Variants in FRAS1 observed in about 807,000 individuals in gnomAD.
FRAS1 encodes the protein Fraser extracellular matrix complex subunit 1.
FRAS1 carries 290 observed loss-of-function variants against 435.2 expected under a neutral mutation model. The observed-to-expected ratio is 0.67, with a 90% confidence interval of 0.61 to 0.73. The LOEUF is 0.73. Ranked by LOEUF, FRAS1 falls within the 30% of genes least tolerant of loss-of-function variation. The pLI, the probability that FRAS1 is intolerant of heterozygous loss-of-function variation, is 0.00. For synonymous variants in FRAS1, 1,800 were observed against 1,851.0 expected (o/e 0.97, Z 0.71); for missense variants, 4,860 against 5,001.5 (o/e 0.97, Z 0.85).
At chr4:78,253,580 C>T (rs1240506412) in intron 5 of FRAS1, among the ~76,000 whole-genome samples, 5 of 152,128 alleles carry the variant, frequency 3.3e-5, no homozygotes, top group East Asian at 1.9e-4. Context: ...CAACACATGG[C>T]GACACCCCAA....
chr4:78,404,177 A>G (rs1733011839), intron 30 of FRAS1, among the ~76,000 whole-genome samples: 2 of 152,182 alleles, frequency 1.3e-5, no homozygotes, highest in South Asian at 4.1e-4. Context: ...AATGTAAGAT[A>G]CGTTCATATG....
At chr4:78,341,892 C>T (rs1730411048) in intron 20 of FRAS1, among the ~76,000 whole-genome samples, 2 of 152,166 alleles carry the variant, frequency 1.3e-5, no homozygotes, top group Non-Finnish European at 2.9e-5. Context: ...CTTACTCTAG[C>T]TACTAGGAGC....
chr4:78,308,256 C>T lies in FRAS1; in HGVS notation c.1678+47C>T, dbSNP rs72864600. 1.8e-3 allele frequency: 2,858 copies of T among 1,582,962 alleles called. 35 individuals are homozygous for T. The African/African-American group carries it at 0.034, about 19-fold the overall frequency. ...TGACGTGTCCTTTCCTTTTTCTTTTCCAGCATCTCTTGTTGTATTCAAATC... is the reference window on the plus strand; with the variant it reads ...TGACGTGTCCTTTCCTTTTTCTTTTTCAGCATCTCTTGTTGTATTCAAATC... On this transcript the variant is annotated intron_variant, in intron 15 of 73. Transcript: ENST00000512123.
At chr4:78,390,190 T>C (rs537076607) in intron 29 of FRAS1, among the ~76,000 whole-genome samples, 1 of 152,214 alleles carries the variant, frequency 6.6e-6, no homozygotes, top group Non-Finnish European at 1.5e-5. Flanking sequence ...TTACAATGTC[T>C]TGGGGAAGAA....
rs1436474234 is a variant in FRAS1 at position 78,543,304 on chromosome 4, T to C, written c.*2180T>C. 1 of 152,284 alleles carries C rather than the reference T, an allele frequency of 6.6e-6. No homozygotes were observed. The highest frequency in any genetic ancestry group is 1.9e-4 in the East Asian group (1 of 5,208). 9.4% of individuals were successfully genotyped at this position (152,284 alleles called of 1,614,324 possible). ...TTCCATTTGGCCCATTATTTGTAACTGTGTAACTGCTCCAAGTGCCAGAAT... is the reference window on the plus strand; with the variant it reads ...TTCCATTTGGCCCATTATTTGTAACCGTGTAACTGCTCCAAGTGCCAGAAT... On this transcript the variant is annotated 3_prime_UTR_variant, in exon 74 of 74. Transcript: ENST00000512123.
rs1444406871 is a variant in FRAS1, at chr4:78,108,977, G to A, written c.108+42961G>A. Among the ~76,000 whole-genome samples, 12 of 74,396 alleles carry A rather than the reference G, an allele frequency of 1.6e-4. 1 individual carries two copies. Among genetic ancestry groups the A allele is most frequent in the Admixed American group, 6.9e-4 (4 of 5,772 alleles). The allele number at this position is 74,396 out of a possible 152,430, so 48.8% of individuals were successfully genotyped here. On this transcript the variant is annotated intron_variant, in intron 2 of 73. Transcript: ENST00000512123. ...CAGAGAATACTACAAACACCTCTAC[G>A]CAAATAAACTAGAAAATCTAGAAGA... is the stretch of plus-strand genomic sequence containing the variant.
intron 1 of FRAS1, among the ~76,000 whole-genome samples, chr4:78,063,154 T>G (rs906413771): frequency 1.3e-5 from 2 of 152,220 alleles, no homozygotes; most frequent in African/African-American, 4.8e-5. Flanking sequence ...AGATGAATTT[T>G]GTTTTCCATA....
chr4:78,539,807 C>T (rs1191235765), intron 73 of FRAS1, among the ~76,000 whole-genome samples: 2 of 152,158 alleles, frequency 1.3e-5, no homozygotes, highest in Non-Finnish European at 2.9e-5. Context: ...TAATACAATA[C>T]AGCAATTTAG....
chr4:78,236,505 C>T (rs995718200), intron 2 of FRAS1, among the ~76,000 whole-genome samples: 2 of 151,962 alleles, frequency 1.3e-5, no homozygotes, highest in Non-Finnish European at 2.9e-5. Flanking sequence ...GAAATTTAGC[C>T]AAACAGTATG....
rs1726945859 is a variant in FRAS1 at position 78,275,335 on chromosome 4, G to A, written c.982-3320G>A. Among the ~76,000 whole-genome samples the A allele has an allele frequency of 2.0e-5, 3 of 152,138 alleles. No homozygotes were observed. In the South Asian group the frequency reaches 6.2e-4, roughly 32 times the overall value. On this transcript the variant is annotated intron_variant, in intron 9 of 73. Transcript: ENST00000512123. ...TTACATTTAAGGTTAATATTGTTAT[G>A]TGTGAATTTGATCCTGTCATTATGA...
chr4:78,105,537 G>A (rs1189485451), intron 2 of FRAS1, among the ~76,000 whole-genome samples: 4 of 152,160 alleles, frequency 2.6e-5, no homozygotes, highest in African/African-American at 4.8e-5. Context: ...AGACTCCTTG[G>A]TACTTATAAA....
chr4:78,233,352 T>A (rs1280958099), intron 2 of FRAS1, among the ~76,000 whole-genome samples: 1 of 152,244 alleles, frequency 6.6e-6, no homozygotes, highest in African/African-American at 2.4e-5. Context: ...AAACTCAACC[T>A]ATAGTTTCAT....
At chr4:78,124,988 T>A (rs952450040) in intron 2 of FRAS1, among the ~76,000 whole-genome samples, 6 of 152,244 alleles carry the variant, frequency 3.9e-5, no homozygotes, top group Non-Finnish European at 8.8e-5. Context: ...CTCTATCTCC[T>A]TCAGTTCTGC....
At chr4:78,369,689 T>A in intron 22 of FRAS1, 149 bp from the exon 23 acceptor site, 1 of 505,804 alleles carries the variant, frequency 2.0e-6, no homozygotes, top group Non-Finnish European at 3.2e-6. Context: ...CTGTTTTTGT[T>A]GATCACAGGG....
At chr4:78,495,855 G>T (rs1041479342) in intron 59 of FRAS1, among the ~76,000 whole-genome samples, 1 of 151,878 alleles carries the variant, frequency 6.6e-6, no homozygotes, top group Non-Finnish European at 1.5e-5. Context: ...CTAACTTCAT[G>T]CTTTCTATAA....
At chr4:78,117,976 C>T (rs1208255561) in intron 2 of FRAS1, among the ~76,000 whole-genome samples, 1 of 152,182 alleles carries the variant, frequency 6.6e-6, no homozygotes, top group Non-Finnish European at 1.5e-5. Context: ...TACCTTTGGT[C>T]TTTGATGATG....
At chr4:78,180,767 C>G (rs1560566680) in intron 2 of FRAS1, 1 of 611,084 alleles carries the variant, frequency 1.6e-6, no homozygotes, top group Non-Finnish European at 2.5e-6. Context: ...GAATGACAGT[C>G]TTTTTTTTTT....
In FRAS1 at chr4:78,266,865, C is replaced by A. The variant is rs1417732813; in HGVS notation, c.719C>A (p.Thr240Asn). The change falls in exon 8 of 74, where the codon ACC becomes AAC. Residue 240 changes from threonine to asparagine, a missense_variant. By Grantham distance (65) the Thr-to-Asn change is moderately conservative. Transcript: ENST00000512123. ...HGEQWSENAC[T>N]TCICDRGEVR... ...GAGCAGTGGAGCGAAAATGCCTGCA[C>A]CACGTGTATATGTGACCGGGGTGAG... The A allele has an allele frequency of 6.2e-7, 1 of 1,607,006 alleles. No individual in the cohort carries two copies.
intron 2 of FRAS1, among the ~76,000 whole-genome samples, chr4:78,195,749 C>T (rs975801982): frequency 3.3e-5 from 5 of 152,136 alleles, no homozygotes; most frequent in African/African-American, 4.8e-5. Context: ...CACCCTGCTT[C>T]GGCTCACACT....
Sources: allele counts gnomAD v4.1 joint callset (sites outside exome capture counted in the v4.1 genomes callset), GRCh38; gene constraint gnomAD v4.1.1; transcripts MANE v1.5; gene names NCBI Gene and HGNC (gene_info 2026-07-23, HGNC 2026-07-21).